CADM2: variants seen among roughly 807,000 people sequenced by gnomAD.
The protein encoded by CADM2 is cell adhesion molecule 2, also known as immunoglobulin superfamily member 4D.
In CADM2, 12 loss-of-function variants were observed where a neutral mutation model predicts 49.8. The observed-to-expected ratio is 0.24, with a 90% CI of 0.15 to 0.39. CADM2 has a LOEUF of 0.39. Ranked by LOEUF, CADM2 falls within the 10% of genes least tolerant of loss-of-function variation. CADM2 has a pLI of 1.00. For missense variants in CADM2, 378 were observed against 492.3 expected (o/e 0.77, Z 2.20); for synonymous variants, 214 against 175.4 (o/e 1.22, Z -1.74).
At chr3:85,233,091 A>G (rs1050351502) in intron 1 of CADM2, among the ~76,000 whole-genome samples, 2 of 152,172 alleles carry the variant, frequency 1.3e-5, no homozygotes, top group Non-Finnish European at 2.9e-5. Context: ...AAATAAAGAC[A>G]TGGGAAAACC....
At chr3:85,368,178 T>C (rs981881165) in intron 1 of CADM2, among the ~76,000 whole-genome samples, 1 of 152,076 alleles carries the variant, frequency 6.6e-6, no homozygotes, top group Non-Finnish European at 1.5e-5. Context: ...CTTATAACTT[T>C]TCAGTTTCAA....
At chr3:85,725,463 G>A (rs2067662513) in intron 1 of CADM2, among the ~76,000 whole-genome samples, 1 of 151,794 alleles carries the variant, frequency 6.6e-6, no homozygotes, top group Non-Finnish European at 1.5e-5. Flanking sequence ...ATTAGGAGAT[G>A]GACTATTTCC....
At chr3:85,568,469 CT>C (rs1175768980) in intron 1 of CADM2, among the ~76,000 whole-genome samples, 29 of 11,118 alleles carry the variant, frequency 2.6e-3, no homozygotes, top group African/African-American at 4.2e-3. Flanking sequence ...CTTTCTCTTT[CT>C]CTCTCTTTCT....
intron 1 of CADM2, among the ~76,000 whole-genome samples, chr3:85,486,946 T>TC (rs1371198177): frequency 1.3e-5 from 2 of 152,056 alleles, no homozygotes; most frequent in Admixed American, 6.6e-5. Context: ...TAATAATTTT[T>TC]TTTTTTTAAA....
At chr3:86,042,491 A>G (rs1374898967) in intron 8 of CADM2, among the ~76,000 whole-genome samples, 2 of 152,200 alleles carry the variant, frequency 1.3e-5, no homozygotes, top group African/African-American at 4.8e-5. Flanking sequence ...GAAATGGATA[A>G]ATTCCTTGAC....
intron 1 of CADM2, among the ~76,000 whole-genome samples, chr3:85,004,776 G>A (rs2033644261): frequency 6.6e-6 from 1 of 152,100 alleles, no homozygotes; most frequent in African/African-American, 2.4e-5. Context: ...ATGTTAAGTA[G>A]TTTGATTTTA....
chr3:85,240,052 A>G (rs1043882521), intron 1 of CADM2, among the ~76,000 whole-genome samples: 7 of 151,428 alleles, frequency 4.6e-5, no homozygotes, highest in Non-Finnish European at 5.9e-5. Flanking sequence ...GAAATTTTTC[A>G]TTGTCTTTCT....
intron 3 of CADM2, among the ~76,000 whole-genome samples, chr3:85,850,045 C>T (rs1404151710): frequency 6.6e-6 from 1 of 152,142 alleles, no homozygotes; most frequent in Non-Finnish European, 1.5e-5. Context: ...TTTTACTCTT[C>T]GTTAACTCAA....
intron 2 of CADM2, among the ~76,000 whole-genome samples, chr3:85,767,019 GT>G: frequency 6.6e-6 from 1 of 152,172 alleles, no homozygotes; most frequent in South Asian, 2.1e-4. Context: ...AAAAATTTAT[GT>G]TGATTATCTA....
intron 6 of CADM2, among the ~76,000 whole-genome samples, chr3:85,935,431 C>G (rs1052455763): frequency 1.3e-5 from 2 of 152,044 alleles, no homozygotes; most frequent in Non-Finnish European, 2.9e-5. Context: ...TAATAGTATT[C>G]ATAGCCATCT....
chr3:85,458,859 A>G (rs2038112838), intron 1 of CADM2, among the ~76,000 whole-genome samples: 1 of 152,216 alleles, frequency 6.6e-6, no homozygotes, highest in Non-Finnish European at 1.5e-5. Flanking sequence ...GTAGAAAGGA[A>G]CATAGTATTA....
chr3:85,739,474 G>GT (rs576436131), intron 2 of CADM2, among the ~76,000 whole-genome samples: 91 of 152,028 alleles, frequency 6.0e-4, no homozygotes, highest in African/African-American at 2.1e-3. Flanking sequence ...ATTGATATTT[G>GT]TAAAAATATA....
intron 1 of CADM2, among the ~76,000 whole-genome samples, chr3:85,541,753 T>TA (rs1340277200): frequency 0.13 from 3,943 of 29,656 alleles, 320 homozygotes; most frequent in East Asian, 0.42. Context: ...ATTTTATATA[T>TA]TTTATATATA....
intron 8 of CADM2, among the ~76,000 whole-genome samples, chr3:86,052,941 T>C (rs1439614492): frequency 6.6e-6 from 1 of 152,132 alleles, no homozygotes; most frequent in African/African-American, 2.4e-5. Context: ...AGTGTCTAGA[T>C]CCATGACTAT....
chr3:85,062,793 G>A (rs2036383688), intron 1 of CADM2, among the ~76,000 whole-genome samples: 1 of 151,892 alleles, frequency 6.6e-6, no homozygotes, highest in South Asian at 2.1e-4. Context: ...CAACCCTAAT[G>A]ATGATTATAC....
chr3:85,466,472 G>T (rs890050629), intron 1 of CADM2, among the ~76,000 whole-genome samples: 1 of 152,072 alleles, frequency 6.6e-6, no homozygotes, highest in Non-Finnish European at 1.5e-5. Context: ...TGCCTTTTTT[G>T]CAGTGGAAGA....
intron 6 of CADM2, among the ~76,000 whole-genome samples, chr3:85,920,176 A>G (rs916890003): frequency 2.6e-5 from 4 of 151,902 alleles, no homozygotes; most frequent in Non-Finnish European, 5.9e-5. Flanking sequence ...TAGGAAGACG[A>G]ATATTCCAAG....
intron 1 of CADM2, among the ~76,000 whole-genome samples, chr3:85,658,049 A>G (rs1314431329): frequency 6.6e-6 from 1 of 152,098 alleles, no homozygotes; most frequent in Non-Finnish European, 1.5e-5. Flanking sequence ...TGAGCCATGA[A>G]CTGATGAGAA....
intron 1 of CADM2, among the ~76,000 whole-genome samples, chr3:85,429,117 G>A (rs973376378): frequency 3.9e-5 from 6 of 152,004 alleles, no homozygotes; most frequent in African/African-American, 1.2e-4. Context: ...TGCTATGGAA[G>A]CAGCAAATAA....
Sources: gnomAD v4.1 joint callset for allele counts (sites outside exome capture counted in the v4.1 genomes callset) on GRCh38, gnomAD v4.1.1 for gene constraint, MANE v1.5 for transcripts, NCBI Gene and HGNC (gene_info 2026-07-23, HGNC 2026-07-21) for gene names.